ADK: variants seen among roughly 807,000 people sequenced by gnomAD.
The protein encoded by ADK is N6,N6-dimethyladenosine kinase.
Under a neutral mutation model 44.7 loss-of-function variants are expected in ADK, and 24 were observed. The observed-to-expected ratio is 0.54, with a 90% CI of 0.39 to 0.76. The LOEUF (loss-of-function observed/expected upper bound fraction) is 0.76. Ranked by LOEUF, ADK falls within the 30% of genes least tolerant of loss-of-function variation. The probability of loss-of-function intolerance (pLI) is 0.00; values close to 1 mark genes in which losing one functional copy is unlikely to be tolerated. For synonymous variants in ADK, 128 were observed against 142.6 expected (o/e 0.90, Z 0.73); for missense variants, 321 against 425.1 (o/e 0.76, Z 2.15).
At chr10:74,574,696 A>G (rs1851123265) in intron 7 of ADK, among the ~76,000 whole-genome samples, 2 of 152,216 alleles carry the variant, frequency 1.3e-5, no homozygotes, top group Non-Finnish European at 2.9e-5. Context: ...ATAACTTCCC[A>G]CAGCAGGACA....
chr10:74,469,529 A>C (rs930040503), intron 6 of ADK, among the ~76,000 whole-genome samples: 4 of 151,914 alleles, frequency 2.6e-5, no homozygotes, highest in Non-Finnish European at 5.9e-5. Context: ...CACCCAGCTC[A>C]TTTTAAAAAT....
At chr10:74,229,676 C>T (rs1041543692) in intron 3 of ADK, among the ~76,000 whole-genome samples, 1 of 152,072 alleles carries the variant, frequency 6.6e-6, no homozygotes, top group Admixed American at 6.5e-5. Flanking sequence ...GGATTACGGG[C>T]GTGAGCCACC....
At chr10:74,194,011 T>C (rs1016080976) in intron 1 of ADK, among the ~76,000 whole-genome samples, 1 of 152,008 alleles carries the variant, frequency 6.6e-6, no homozygotes, top group Non-Finnish European at 1.5e-5. Context: ...GAATAAATCT[T>C]TGGGAGGGAG....
intron 1 of ADK, among the ~76,000 whole-genome samples, chr10:74,183,248 A>G (rs1324895144): frequency 6.6e-6 from 1 of 152,140 alleles, no homozygotes; most frequent in Admixed American, 6.5e-5. Context: ...CGCTGTGCCC[A>G]GCCACATCCT....
At chr10:74,475,165 A>G (rs986219733) in intron 6 of ADK, among the ~76,000 whole-genome samples, 8 of 151,950 alleles carry the variant, frequency 5.3e-5, no homozygotes, top group African/African-American at 1.7e-4. Context: ...AACAAAACAA[A>G]AAACCCTTAA....
At position 74,653,481 on chromosome 10, in the gene ADK, G is replaced by A. The variant is rs570489302; in HGVS notation, c.878-16702G>A. Among the ~76,000 whole-genome samples the A allele has an allele frequency of 1.6e-3, 241 of 151,962 alleles. 1 individual carries two copies. The highest frequency in any genetic ancestry group is 0.014 in the Middle Eastern group (4 of 294). On this transcript the variant is annotated intron_variant, in intron 9 of 10. Coordinates refer to ENST00000539909, the MANE Select transcript of ADK (RefSeq NM_006721.4). ...ATAATAATAATAAGGAATAACATGC[G>A]TATGATCCTTAAAATATTTCTGCAA...
intron 2 of ADK, among the ~76,000 whole-genome samples, chr10:74,209,627 TTTTA>T (rs1321116226): frequency 6.6e-6 from 1 of 152,142 alleles, no homozygotes; most frequent in African/African-American, 2.4e-5. Context: ...ATTTTTTTTT[TTTTA>T]GAGACAAGTT....
At chr10:74,183,145 G>C (rs1445045461) in intron 1 of ADK, among the ~76,000 whole-genome samples, 1 of 152,134 alleles carries the variant, frequency 6.6e-6, no homozygotes, top group Non-Finnish European at 1.5e-5. Context: ...ATATTGTCCA[G>C]GCTGGCTTTG....
chr10:74,301,769 T>A (rs1356940902), intron 3 of ADK, among the ~76,000 whole-genome samples: 1 of 152,118 alleles, frequency 6.6e-6, no homozygotes, highest in African/African-American at 2.4e-5. Context: ...CTGACCCTCA[T>A]CTTCTTCTAA....
intron 3 of ADK, among the ~76,000 whole-genome samples, chr10:74,303,056 G>T (rs1177148041): frequency 6.6e-6 from 1 of 151,750 alleles, no homozygotes; most frequent in East Asian, 1.9e-4. Flanking sequence ...TAATAAAGAT[G>T]CATCTTCAGT....
At chr10:74,478,009 C>G (rs1268812734) in intron 6 of ADK, among the ~76,000 whole-genome samples, 2 of 152,144 alleles carry the variant, frequency 1.3e-5, no homozygotes, top group African/African-American at 4.8e-5. Flanking sequence ...TGACCAGATA[C>G]AAAATTAACT....
In ADK at chr10:74,670,730, A is replaced by G. The variant is rs1218646006; in HGVS notation, c.964+461A>G. Among the ~76,000 whole-genome samples, 3 of 152,208 alleles carry G rather than the reference A, an allele frequency of 2.0e-5. No homozygotes were observed. In the East Asian group the frequency reaches 5.8e-4, roughly 29 times the overall value. On this transcript the variant is annotated intron_variant, in intron 10 of 10. Coordinates refer to ENST00000539909, the MANE Select transcript of ADK (RefSeq NM_006721.4). ...CACAATAGTGGTTGTTTGTTATACT[A>G]AAAAGGGTTAAATTTTTGCCTATTT...
intron 10 of ADK, among the ~76,000 whole-genome samples, chr10:74,682,009 C>T (rs1319661281): frequency 6.6e-6 from 1 of 152,084 alleles, no homozygotes; most frequent in Non-Finnish European, 1.5e-5. Context: ...TAAACAGAAG[C>T]ATACGCTAAA....
chr10:74,530,350 G>A (rs1448945666), intron 7 of ADK, among the ~76,000 whole-genome samples: 1 of 152,100 alleles, frequency 6.6e-6, no homozygotes, highest in South Asian at 2.1e-4. Flanking sequence ...AAAGTATACT[G>A]TGTTTAGTAT....
rs574258595 is a variant in ADK, at chr10:74,697,024, T to C, written c.965-11297T>C. ...AACAATGTACTACCTAGATGTATAA[T>C]AATTTAAATTTAGTGTAAAATGAGA... On this transcript the variant is annotated intron_variant, in intron 10 of 10. Transcript: ENST00000539909. Among the ~76,000 whole-genome samples, 3 of 152,316 alleles carry C rather than the reference T, an allele frequency of 2.0e-5. No individual in the cohort carries two copies. In the South Asian group the frequency reaches 6.2e-4, roughly 32 times the overall value.
intron 6 of ADK, among the ~76,000 whole-genome samples, chr10:74,492,896 C>A (rs1847538953): frequency 6.6e-6 from 1 of 152,078 alleles, no homozygotes; most frequent in African/African-American, 2.4e-5. Flanking sequence ...TTACCATTTT[C>A]CTTTTGTAAT....
chr10:74,581,629 G>A (rs143505287), intron 7 of ADK, among the ~76,000 whole-genome samples: 3 of 152,036 alleles, frequency 2.0e-5, no homozygotes, highest in African/African-American at 7.2e-5. Flanking sequence ...TAATCAAATT[G>A]CATAAGATCA....
At chr10:74,657,342 A>G (rs1419670984) in intron 9 of ADK, among the ~76,000 whole-genome samples, 1 of 152,208 alleles carries the variant, frequency 6.6e-6, no homozygotes, top group Non-Finnish European at 1.5e-5. Context: ...AGGTCTGGAA[A>G]GGTTTTTGGG....
intron 6 of ADK, among the ~76,000 whole-genome samples, chr10:74,518,674 T>A (rs1023745350): frequency 6.6e-6 from 1 of 152,128 alleles, no homozygotes; most frequent in African/African-American, 2.4e-5. Flanking sequence ...CTGATAAAAA[T>A]TGTTTAAGAG....
Sources: gnomAD v4.1 joint callset for allele counts (sites outside exome capture counted in the v4.1 genomes callset) on GRCh38, gnomAD v4.1.1 for gene constraint, MANE v1.5 for transcripts, NCBI Gene and HGNC (gene_info 2026-07-23, HGNC 2026-07-21) for gene names.